Variants in OSBPL3 observed in about 807,000 individuals in gnomAD.
OSBPL3 encodes oxysterol binding protein like 3.
In OSBPL3, 65 loss-of-function variants were observed where a neutral mutation model predicts 120.1. That is an observed-to-expected ratio of 0.54 (90% CI 0.44 to 0.67). The LOEUF (loss-of-function observed/expected upper bound fraction) is 0.67. OSBPL3 is among the 30% of genes least tolerant of loss of function. The probability of loss-of-function intolerance (pLI) is 0.00; values close to 1 mark genes in which losing one functional copy is unlikely to be tolerated. For synonymous variants in OSBPL3, 416 were observed against 402.6 expected, an observed-to-expected ratio of 1.03 and a Z score of -0.40; for missense variants, 1,004 against 1,082.1, an observed-to-expected ratio of 0.93 and a Z score of 1.01.
Position 24,835,953 on chromosome 7 carries a change from AACCT to A in OSBPL3, c.1496-1221_1496-1218del, listed in dbSNP as rs1259807700. Among the ~76,000 whole-genome samples the A allele has an allele frequency of 6.6e-6, 1 of 152,092 alleles. No individual in the cohort carries two copies. Among genetic ancestry groups the A allele is most frequent in the African/African-American group, 2.4e-5 (1 of 41,412 alleles). On this transcript the variant is annotated intron_variant, in intron 14 of 22. Transcript: ENST00000313367. The surrounding 1 kb of genome is among the most constrained non-coding windows in gnomAD (Gnocchi z 4.8). ...GGGTGGGTAGTGGGTGAGGATCAAA[AACCT>A]ACCTATTTGGTGCTATGCTTATTAC...
At chr7:24,864,875 A>G (rs1040353148) in intron 7 of OSBPL3, among the ~76,000 whole-genome samples, 8 of 152,196 alleles carry the variant, frequency 5.3e-5, no homozygotes, top group African/African-American at 7.2e-5. Flanking sequence ...AGACCAATTT[A>G]AAGAGATTAT....
chr7:24,925,093 A>T (rs528418935), intron 1 of OSBPL3, among the ~76,000 whole-genome samples: 1 of 152,366 alleles, frequency 6.6e-6, no homozygotes, highest in Admixed American at 6.5e-5. Flanking sequence ...TCTAAATGAC[A>T]TGACCACAGA....
chr7:24,926,836 G>T (rs1397578042), intron 1 of OSBPL3, among the ~76,000 whole-genome samples: 2 of 152,156 alleles, frequency 1.3e-5, no homozygotes, highest in African/African-American at 4.8e-5. Context: ...CCTATATCCT[G>T]CTGCCTAGCA....
chr7:24,905,354 A>G (rs1419584398), intron 1 of OSBPL3, among the ~76,000 whole-genome samples: 1 of 152,164 alleles, frequency 6.6e-6, no homozygotes, highest in Non-Finnish European at 1.5e-5. Flanking sequence ...ATACCAATTT[A>G]GCCCAAACAG....
chr7:24,876,750 C>T (rs948028369), intron 2 of OSBPL3, among the ~76,000 whole-genome samples: 1 of 152,142 alleles, frequency 6.6e-6, no homozygotes, highest in African/African-American at 2.4e-5. Flanking sequence ...TGAAATAATA[C>T]ATAAACCTAA....
In OSBPL3 at chr7:24,947,361, G is replaced by C. The variant is rs1166859880; in HGVS notation, c.-150+32525C>G. 6.6e-6 allele frequency among the ~76,000 whole-genome samples: 1 copy of C among 152,186 alleles called. No homozygotes were observed. Among genetic ancestry groups the C allele is most frequent in the Admixed American group, 6.5e-5 (1 of 15,274 alleles). On this transcript the variant is annotated intron_variant, in intron 1 of 22. Coordinates refer to ENST00000313367, the MANE Select transcript of OSBPL3 (RefSeq NM_015550.4). The surrounding 1 kb of genome is among the most constrained non-coding windows in gnomAD (Gnocchi z 4.4). ...TCTGAATAAAGCTCTTCCAGGTAGA[G>C]TTCAATGGCTACAGAAGGAATCAGC...
At chr7:24,928,222 C>T (rs1811318249) in intron 1 of OSBPL3, among the ~76,000 whole-genome samples, 2 of 141,154 alleles carry the variant, frequency 1.4e-5, no homozygotes, top group Admixed American at 7.4e-5. Flanking sequence ...GATGGAGTCT[C>T]GCTCTGTCAC....
intron 1 of OSBPL3, among the ~76,000 whole-genome samples, chr7:24,928,367 C>A (rs6461829): frequency 0.67 from 101,183 of 151,540 alleles, 33,967 homozygotes; most frequent in Middle Eastern, 0.71. Flanking sequence ...ACTTTTTTGT[C>A]TTTTTAGTAG....
In OSBPL3 at chr7:24,933,696, T is replaced by C. The variant is rs536589084; in HGVS notation, c.-149-41075A>G. On this transcript the variant is annotated intron_variant, in intron 1 of 22. Coordinates refer to ENST00000313367, the MANE Select transcript of OSBPL3 (RefSeq NM_015550.4). The surrounding 1 kb of genome is among the most constrained non-coding windows in gnomAD (Gnocchi z 5.1). The stretch of plus-strand genomic sequence containing the variant: ...ATCATTTATTTATCTTAAACTCCAG[T>C]TGAGGCAAGTATTTGCCTATGCTCT... 7.1e-4 allele frequency among the ~76,000 whole-genome samples: 108 copies of C among 152,242 alleles called. No individual in the cohort carries two copies. Among genetic ancestry groups the C allele is most frequent in the Non-Finnish European group, 1.1e-3 (75 of 68,042 alleles).
In OSBPL3 at chr7:24,852,476, C is replaced by A; in HGVS notation, c.1158+28G>T. On this transcript the variant is annotated intron_variant, in intron 11 of 22. Transcript: ENST00000313367. The surrounding 1 kb of genome is among the most constrained non-coding windows in gnomAD (Gnocchi z 4.1). ...TTCATGAGCCTGGACACATCTCAGG[C>A]ATTCCTGGAGGCAGACATGTAACTT... 6.5e-7 allele frequency: 1 copy of A among 1,527,104 alleles called. No individual in the cohort carries two copies. Among genetic ancestry groups the A allele is most frequent in the Non-Finnish European group, 8.7e-7 (1 of 1,143,020 alleles). The allele number at this position is 1,527,104 out of a possible 1,614,324, so 94.6% of individuals were successfully genotyped here.
intron 1 of OSBPL3, among the ~76,000 whole-genome samples, chr7:24,920,753 C>T (rs923100352): frequency 1.3e-5 from 2 of 151,870 alleles, no homozygotes; most frequent in African/African-American, 4.8e-5. Flanking sequence ...AACATGGGAC[C>T]CTGTGATTTC....
At chr7:24,858,185 T>G (rs1054701873) in intron 10 of OSBPL3, among the ~76,000 whole-genome samples, 3 of 152,202 alleles carry the variant, frequency 2.0e-5, no homozygotes, top group Non-Finnish European at 2.9e-5. Context: ...TCCCTACCAT[T>G]TGATCTACAA....
In OSBPL3 at chr7:24,955,070, C is replaced by T. The variant is rs1341855739; in HGVS notation, c.-150+24816G>A. 1.3e-5 allele frequency among the ~76,000 whole-genome samples: 2 copies of T among 152,150 alleles called. No homozygotes were observed. Among genetic ancestry groups the T allele is most frequent in the Non-Finnish European group, 2.9e-5 (2 of 68,020 alleles). On this transcript the variant is annotated intron_variant, in intron 1 of 22. Coordinates refer to ENST00000313367, the MANE Select transcript of OSBPL3 (RefSeq NM_015550.4). The surrounding 1 kb of genome is among the most constrained non-coding windows in gnomAD (Gnocchi z 4.3). ...ATCTGACCATTTGTCAACTCTGCCA[C>T]GGAGTTAGCCTTATCTCAAGTTTCA...
intron 22 of OSBPL3, 151 bp from the exon 23 acceptor site, chr7:24,800,430 G>A: frequency 2.4e-6 from 1 of 412,754 alleles, no homozygotes; most frequent in South Asian, 3.1e-5. Flanking sequence ...CTGGGAATTA[G>A]ATGTCCAGAA....
rs1202117041 is a variant in OSBPL3, at chr7:24,913,911, T to C, written c.-149-21290A>G. Among the ~76,000 whole-genome samples, 1 of 152,196 alleles carries C rather than the reference T, an allele frequency of 6.6e-6. No homozygotes were observed. The highest frequency in any genetic ancestry group is 1.5e-5 in the Non-Finnish European group (1 of 68,022). On this transcript the variant is annotated intron_variant, in intron 1 of 22. Coordinates refer to ENST00000313367, the MANE Select transcript of OSBPL3 (RefSeq NM_015550.4). This position sits in a 1 kb window ranked among gnomAD's most constrained non-coding sequence, Gnocchi z 5.3. ...AAGTAAAGTAAAAGTTCTACATATA[T>C]GCATTGAAACTTTCCTAAGGAGCAG... is the stretch of plus-strand genomic sequence containing the variant.
At position 24,965,842 on chromosome 7, in the gene OSBPL3, C is replaced by A. The variant is rs962057819; in HGVS notation, c.-150+14044G>T. On this transcript the variant is annotated intron_variant, in intron 1 of 22. Transcript: ENST00000313367. The surrounding 1 kb of genome is among the most constrained non-coding windows in gnomAD (Gnocchi z 4.3). ...TTGGGATTACAGGCATTAGCCACTG[C>A]GACGGACTCAACTCAAGTGTTTTAC... Among the ~76,000 whole-genome samples, 1 of 152,158 alleles carries A rather than the reference C, an allele frequency of 6.6e-6. No homozygotes were observed. The highest frequency in any genetic ancestry group is 2.4e-5 in the African/African-American group (1 of 41,422).
chr7:24,809,079 C>A (rs368574253), intron 20 of OSBPL3, among the ~76,000 whole-genome samples: 29 of 152,256 alleles, frequency 1.9e-4, no homozygotes, highest in African/African-American at 5.5e-4. Flanking sequence ...CCACCCCCCC[C>A]ACTCACTTAC....
intron 13 of OSBPL3, among the ~76,000 whole-genome samples, chr7:24,842,041 C>A (rs1478522998): frequency 6.6e-6 from 1 of 151,860 alleles, no homozygotes; most frequent in Non-Finnish European, 1.5e-5. Flanking sequence ...ACAAATTTAA[C>A]ATATCAAGTT....
rs1481288817 is a variant in OSBPL3, at chr7:24,873,955, T to C, written c.97-1886A>G. 6.6e-6 allele frequency among the ~76,000 whole-genome samples: 1 copy of C among 152,214 alleles called. No homozygotes were observed. The highest frequency in any genetic ancestry group is 1.5e-5 in the Non-Finnish European group (1 of 68,042). On this transcript the variant is annotated intron_variant, in intron 2 of 22. Coordinates refer to ENST00000313367, the MANE Select transcript of OSBPL3 (RefSeq NM_015550.4). The surrounding 1 kb of genome is among the most constrained non-coding windows in gnomAD (Gnocchi z 4.1). ...TTTCTGGAGGTTCACCACTTACTTA[T>C]GATAACATGTACATGCGGTTTTATC...
Sources: allele counts gnomAD v4.1 joint callset (sites outside exome capture counted in the v4.1 genomes callset), GRCh38; gene constraint gnomAD v4.1.1; non-coding constraint Gnocchi (gnomAD v3.1); transcripts MANE v1.5; gene names NCBI Gene and HGNC (gene_info 2026-07-23, HGNC 2026-07-21).